The following PDZD2 variants were observed in gnomAD, a reference collection of about 807,000 sequenced individuals.
PDZD2 encodes the protein PDZ domain containing 2.
A neutral mutation model predicts 220.7 loss-of-function variants in PDZD2; 90 were observed. The ratio of observed to expected loss-of-function variants is 0.41; its 90% confidence interval spans 0.34 to 0.49. The LOEUF (loss-of-function observed/expected upper bound fraction) is 0.49, where lower values mean the gene tolerates loss of function less well. PDZD2 is among the 20% of genes least tolerant of loss of function. The pLI, the probability that PDZD2 is intolerant of heterozygous loss-of-function variation, is 0.28. For missense variants in PDZD2, 3,174 were observed against 3,608.5 expected (o/e 0.88, Z 3.08); for synonymous variants, 1,375 against 1,450.5 (o/e 0.95, Z 1.18).
Position 32,000,059 on chromosome 5 carries a change from C to A in PDZD2, c.1122-80C>A, listed in dbSNP as rs1366654452. ...ATCTTAACCGTCCCTCCTCACAACC[C>A]TCCCTAGCTCCAGAAAATGGCCCTT... On this transcript the variant is annotated intron_variant, in intron 4 of 24. Coordinates refer to ENST00000438447, the MANE Select transcript of PDZD2 (RefSeq NM_178140.4). The surrounding 1 kb of genome is among the most constrained non-coding windows in gnomAD (Gnocchi z 4.5). The A allele has an allele frequency of 3.8e-6, 5 of 1,313,676 alleles. No homozygotes were observed. Among genetic ancestry groups the A allele is most frequent in the African/African-American group, 2.9e-5 (2 of 69,124 alleles). 81.4% of individuals were successfully genotyped at this position (1,313,676 alleles called of 1,614,324 possible).
intron 2 of PDZD2, among the ~76,000 whole-genome samples, chr5:31,897,286 G>A (rs927188326): frequency 6.6e-6 from 1 of 152,114 alleles, no homozygotes; most frequent in Non-Finnish European, 1.5e-5. Flanking sequence ...AGTAAACCTC[G>A]AGTATCTCTT....
chr5:32,046,656 A>T (rs1272624152), intron 7 of PDZD2, among the ~76,000 whole-genome samples: 1 of 152,236 alleles, frequency 6.6e-6, no homozygotes, highest in Non-Finnish European at 1.5e-5. Context: ...CAAAATATAC[A>T]TTAAGACAGT....
At chr5:31,828,132 A>G (rs1467831587) in intron 2 of PDZD2, among the ~76,000 whole-genome samples, 2 of 152,198 alleles carry the variant, frequency 1.3e-5, no homozygotes, top group African/African-American at 4.8e-5. Context: ...CTTTTTGACT[A>G]TTATGAATCA....
chr5:32,057,777 T>G (rs1187189067), intron 11 of PDZD2, 49 bp downstream of exon 11: 2 of 1,453,866 alleles, frequency 1.4e-6, no homozygotes, highest in East Asian at 4.5e-5. Flanking sequence ...CTTTCTTTAT[T>G]TCCTTCTGGC....
intron 2 of PDZD2, among the ~76,000 whole-genome samples, chr5:31,883,491 G>A (rs1243238773): frequency 6.6e-6 from 1 of 151,978 alleles, no homozygotes; most frequent in East Asian, 1.9e-4. Context: ...AGAGAGCTGG[G>A]ACTACAGGCA....
intron 1 of PDZD2, among the ~76,000 whole-genome samples, chr5:31,651,888 G>T (rs1745364039): frequency 1.7e-5 from 1 of 59,708 alleles, no homozygotes; most frequent in Non-Finnish European, 3.5e-5. Flanking sequence ...TGCAATCTTG[G>T]CTCACTGGAA....
intron 7 of PDZD2, among the ~76,000 whole-genome samples, chr5:32,047,048 A>G (rs1738040568): frequency 6.6e-6 from 1 of 152,172 alleles, no homozygotes; most frequent in Admixed American, 6.5e-5. Context: ...CAAAAAAATA[A>G]AAAGAAAACA....
chr5:31,742,579 G>T, intron 1 of PDZD2, among the ~76,000 whole-genome samples: 1 of 145,562 alleles, frequency 6.9e-6, no homozygotes, highest in African/African-American at 2.5e-5. Flanking sequence ...CTACCCCAGG[G>T]GATGGTGGTC....
In PDZD2 at chr5:31,799,378, G is replaced by T; in HGVS notation, c.130G>T (p.Glu44Ter). ...LCQAAIQKLQEYIQLNFAVDE... is the reference protein window; with the variant it reads ...LCQAAIQKLQ ...CCAGGCGGCCATCCAGAAGCTGCAG[G>T]AGTACATCCAGCTGAACTTTGCTGT... Residue 44 changes from glutamate to a stop codon, truncating the protein, a stop_gained, in exon 2 of 25, where the codon GAG becomes TAG. Transcript: ENST00000438447. LOFTEE classifies it high-confidence loss of function. 1 of 1,614,214 alleles carries T rather than the reference G, an allele frequency of 6.2e-7. No homozygotes were observed. The highest frequency in any genetic ancestry group is 8.5e-7 in the Non-Finnish European group (1 of 1,180,036).
chr5:31,711,106 T>C (rs1748080847), intron 1 of PDZD2, among the ~76,000 whole-genome samples: 1 of 152,034 alleles, frequency 6.6e-6, no homozygotes, highest in African/African-American at 2.4e-5. Context: ...CAAGCTGGGG[T>C]CAGACAGCTA....
chr5:31,848,347 T>C (rs1757710019), intron 2 of PDZD2, among the ~76,000 whole-genome samples: 1 of 152,234 alleles, frequency 6.6e-6, no homozygotes, highest in Non-Finnish European at 1.5e-5. Context: ...CAGTCAAACC[T>C]ACTATATGCA....
chr5:31,877,137 G>A (rs1418009717), intron 2 of PDZD2, among the ~76,000 whole-genome samples: 2 of 152,162 alleles, frequency 1.3e-5, no homozygotes, highest in African/African-American at 2.4e-5. Context: ...AATTTCAGCT[G>A]TGTTAAACCT....
intron 2 of PDZD2, among the ~76,000 whole-genome samples, chr5:31,891,913 T>TC (rs1491545184): frequency 8.6e-6 from 1 of 115,952 alleles, no homozygotes; most frequent in Non-Finnish European, 2.0e-5. Context: ...AGTCATGCCT[T>TC]CTTTTTTTTT....
intron 1 of PDZD2, among the ~76,000 whole-genome samples, chr5:31,726,721 T>C (rs182746593): frequency 2.0e-5 from 3 of 152,208 alleles, no homozygotes; most frequent in East Asian, 3.9e-4. Flanking sequence ...ACCATCCTAT[T>C]TGAGGCTTTG....
At chr5:32,011,472 C>A (rs540653756) in intron 6 of PDZD2, among the ~76,000 whole-genome samples, 7 of 152,298 alleles carry the variant, frequency 4.6e-5, no homozygotes, top group African/African-American at 1.7e-4. Flanking sequence ...GCTCTCCAAC[C>A]TGGGCTACAG....
intron 1 of PDZD2, among the ~76,000 whole-genome samples, chr5:31,685,190 G>A (rs772740915): frequency 6.6e-6 from 1 of 151,892 alleles, no homozygotes; most frequent in Non-Finnish European, 1.5e-5. Flanking sequence ...TCCTAATTTT[G>A]CTGGCTATTA....
chr5:32,006,704 T>C (rs71584574), intron 5 of PDZD2, among the ~76,000 whole-genome samples: 27,649 of 130,634 alleles, frequency 0.21, 2,640 homozygotes, highest in Admixed American at 0.25. Context: ...TTTTTTTTTT[T>C]CCTGAGACAG....
At chr5:31,801,081 T>C (rs979253953) in intron 2 of PDZD2, among the ~76,000 whole-genome samples, 10 of 152,062 alleles carry the variant, frequency 6.6e-5, no homozygotes, top group African/African-American at 2.4e-4. Context: ...AGAATGGAGA[T>C]TGGATGTGGA....
chr5:31,885,457 A>G (rs371722988), intron 2 of PDZD2, among the ~76,000 whole-genome samples: 88 of 152,306 alleles, frequency 5.8e-4, no homozygotes, highest in African/African-American at 2.0e-3. Flanking sequence ...CTAAAGAAGT[A>G]CTTGCATCTG....
Sources: gnomAD v4.1 joint callset for allele counts (sites outside exome capture counted in the v4.1 genomes callset) on GRCh38, gnomAD v4.1.1 for gene constraint, Gnocchi (gnomAD v3.1) non-coding constraint, MANE v1.5 for transcripts, NCBI Gene and HGNC (gene_info 2026-07-23, HGNC 2026-07-21) for gene names.